Variants in MEFV observed in about 807,000 individuals in gnomAD.
MEFV encodes pyrin.
MEFV carries 60 observed loss-of-function variants against 62.5 expected under a neutral mutation model. The ratio of observed to expected loss-of-function variants is 0.96; its 90% CI spans 0.78 to 1.19. The LOEUF is 1.19. Ranked by LOEUF, MEFV falls within the 50% of genes most tolerant of loss-of-function variation. The probability of loss-of-function intolerance (pLI) is 0.00; values close to 1 mark genes in which losing one functional copy is unlikely to be tolerated. For missense variants in MEFV, 1,169 were observed against 1,004.5 expected, an observed-to-expected ratio of 1.16 and a Z score of -2.21; for synonymous variants, 500 against 415.2, an observed-to-expected ratio of 1.20 and a Z score of -2.48.
At chr16:3,249,308 G>T (rs1958994625) in intron 3 of MEFV, 123 bp downstream of exon 3, 2 of 905,144 alleles carry the variant, frequency 2.2e-6, no homozygotes, top group African/African-American at 1.6e-5. Context: ...TTGTGTTCTT[G>T]CCATTTCCAG....
At chr16:3,252,430 C>T (rs141356035) in intron 2 of MEFV, among the ~76,000 whole-genome samples, 9 of 152,130 alleles carry the variant, frequency 5.9e-5, no homozygotes, top group Non-Finnish European at 1.2e-4. Context: ...CACCCGCCAC[C>T]ACGCCCAGCA....
chr16:3,247,205 C>T lies in MEFV; in HGVS notation c.1398G>A (p.Leu466=), dbSNP rs780040831. 1.2e-6 allele frequency: 2 copies of T among 1,614,164 alleles called. No homozygotes were observed. The highest frequency in any genetic ancestry group is 4.5e-5 in the East Asian group (2 of 44,884). ...EALKQRVQRK[L]EQVYYFLEQQ... ...GCTCCAGGAAGTAGTACACCTGCTC[C>T]AGCTTCCTCTGCACCCGCTGCTTCA... Residue 466 remains leucine, a synonymous_variant, in exon 5 of 10, where the codon CTG becomes CTA. Coordinates refer to ENST00000219596, the MANE Select transcript of MEFV (RefSeq NM_000243.3).
In MEFV at chr16:3,254,457, CGCAG is replaced by C. The variant is rs759317062; in HGVS notation, c.607_610del (p.Leu203AlafsTer58). 2 of 1,606,050 alleles carry C rather than the reference CGCAG, an allele frequency of 1.2e-6. No homozygotes were observed. The highest frequency in any genetic ancestry group is 1.7e-6 in the Non-Finnish European group (2 of 1,176,478). On this transcript the variant is annotated frameshift_variant, in exon 2 of 10. Transcript: ENST00000219596. LOFTEE classifies it high-confidence loss of function. The stretch of plus-strand genomic sequence containing the variant: ...CCTCCCCGCGGAGCTGGCGTTTCTG[CGCAG>C]CCGGACCTCGGCCTGGCCCCCCTCT...
At chr16:3,246,434 G>A in intron 6 of MEFV, 91 bp downstream of exon 6, 1 of 1,483,086 alleles carries the variant, frequency 6.7e-7, no homozygotes, top group Non-Finnish European at 9.4e-7. Context: ...CCGGGGTTGG[G>A]AACATCTCCC....
rs751006121 is a variant in MEFV, at chr16:3,256,519, C to G, written c.69G>C (p.Lys23Asn). The G allele has an allele frequency of 6.2e-7, 1 of 1,614,206 alleles. No homozygotes were observed. Among genetic ancestry groups the G allele is most frequent in the South Asian group, 1.1e-5 (1 of 91,086 alleles). The change falls in exon 1 of 10, where the codon AAG becomes AAC. Residue 23 changes from lysine (K) to asparagine (N), a missense_variant. By Grantham distance (94) the Lys-to-Asn change is moderately conservative. Transcript: ENST00000219596. ...TGGTGTTCTGCAGCTTGAACTTGAACTTCTCGAAGTCATAGGGCACCAGCT... is the reference window on the plus strand; with the variant it reads ...TGGTGTTCTGCAGCTTGAACTTGAAGTTCTCGAAGTCATAGGGCACCAGCT... ...LEELVPYDFE[K>N]FKFKLQNTSV...
intron 2 of MEFV, among the ~76,000 whole-genome samples, chr16:3,250,750 G>A (rs1959019084): frequency 1.3e-5 from 2 of 151,524 alleles, no homozygotes; most frequent in African/African-American, 2.4e-5. Context: ...ACAAGGCCGA[G>A]CGCAGTGGCT....
At chr16:3,255,491 T>G (rs955439735) in intron 1 of MEFV, among the ~76,000 whole-genome samples, 5 of 152,054 alleles carry the variant, frequency 3.3e-5, no homozygotes, top group African/African-American at 1.2e-4. Flanking sequence ...CCTCCCAGGC[T>G]CAAGCAATCC....
intron 1 of MEFV, among the ~76,000 whole-genome samples, chr16:3,255,271 C>A (rs1439417130): frequency 6.6e-6 from 1 of 151,612 alleles, no homozygotes; most frequent in Non-Finnish European, 1.5e-5. Flanking sequence ...GAGCTGAGAT[C>A]GGGCCACTGC....
In MEFV at chr16:3,244,626, C is replaced by G. The variant is rs764045006; in HGVS notation, c.1611-38G>C. On this transcript the variant is annotated intron_variant, in intron 6 of 9. Coordinates refer to ENST00000219596, the MANE Select transcript of MEFV (RefSeq NM_000243.3). Reference sequence around the variant, plus strand: ...GACTGTTGACCAGAGAAGGCCGGAGCGAGGGGGTGGCCCAAGTACCCGTGA... The same window carrying G: ...GACTGTTGACCAGAGAAGGCCGGAGGGAGGGGGTGGCCCAAGTACCCGTGA... 2.1e-5 allele frequency: 32 copies of G among 1,536,198 alleles called. No individual in the cohort carries two copies. In the East Asian group the frequency reaches 3.8e-4, roughly 18 times the overall value.
intron 6 of MEFV, among the ~76,000 whole-genome samples, chr16:3,245,207 G>A (rs553452633): frequency 9.9e-5 from 15 of 152,154 alleles, no homozygotes; most frequent in Middle Eastern, 3.4e-3. Context: ...AGAATCACCC[G>A]AGCCCAGGAA....
Position 3,254,460 on chromosome 16 carries a change from A to T in MEFV, c.608T>A (p.Leu203Gln). 6.2e-7 allele frequency: 1 copy of T among 1,605,422 alleles called. No homozygotes were observed. The highest frequency in any genetic ancestry group is 8.5e-7 in the Non-Finnish European group (1 of 1,176,240). The change falls in exon 2 of 10, where the codon CTG becomes CAG. Residue 203 changes from leucine to glutamine, a missense_variant. Transcript: ENST00000219596. ...ALEGGQAEVRLRRNASSAGRL... is the reference protein window; with the variant it reads ...ALEGGQAEVRQRRNASSAGRL... ...CCCCGCGGAGCTGGCGTTTCTGCGCAGCCGGACCTCGGCCTGGCCCCCCTC... is the reference window on the plus strand; with the variant it reads ...CCCCGCGGAGCTGGCGTTTCTGCGCTGCCGGACCTCGGCCTGGCCCCCCTC...
At chr16:3,250,424 C>T (rs760662915) in intron 2 of MEFV, among the ~76,000 whole-genome samples, 2 of 151,628 alleles carry the variant, frequency 1.3e-5, no homozygotes, top group Non-Finnish European at 2.9e-5. Flanking sequence ...GCCTGGGCAA[C>T]ATGGCAAGAG....
rs1959078224 is a variant in MEFV at position 3,254,211 on chromosome 16, C to G, written c.857G>C (p.Gly286Ala). 3 of 1,614,262 alleles carry G rather than the reference C, an allele frequency of 1.9e-6. No homozygotes were observed. The highest frequency in any genetic ancestry group is 2.5e-6 in the Non-Finnish European group (3 of 1,180,052). Reference protein sequence around the residue: ...EPRARPTPDGGASADLKEGPG... With the variant: ...EPRARPTPDGAASADLKEGPG... ...GCCTTCCTTCAGGTCCGCAGATGCC[C>G]CTCCATCCGGAGTGGGCCTTGCCCG... Residue 286 changes from glycine (G) to alanine (A), a missense_variant, in exon 2 of 10, where the codon GGG (glycine) becomes GCG (alanine). Gly to Ala is a moderately conservative substitution (Grantham distance 60, BLOSUM62 0). Transcript: ENST00000219596.
chr16:3,256,316 A>G lies in MEFV; in HGVS notation c.272T>C (p.Ile91Thr), dbSNP rs1959114123. Residue 91 changes from isoleucine (I) to threonine (T), a missense_variant, in exon 1 of 10, where the codon ATT becomes ACT. By Grantham distance (89) the Ile-to-Thr change is moderately conservative. Transcript: ENST00000219596. ...GGAGGCCTGGGCCCGCTTACCCTGA[A>G]TGGCTGCCCTGTGGAGCTCCTCGGC... ...LLAEELHRAA[I>T]QEYSTQENGT... is the part of the protein sequence containing the mutation. 6.2e-7 allele frequency: 1 copy of G among 1,613,676 alleles called. No individual in the cohort carries two copies.
rs104895185 is a variant in MEFV at position 3,254,615 on chromosome 16, C to T, written c.453G>A (p.Arg151=). The change falls in exon 2 of 10, where the codon AGG becomes AGA. Residue 151 remains arginine (R), a synonymous_variant. Coordinates refer to ENST00000219596, the MANE Select transcript of MEFV (RefSeq NM_000243.3). ...SLRCSQPEAG[R]GLSRKPLSKR... ...TGCTCAGGGGCTTCCTCGACAGCCC[C>T]CTCCCGGCCTCGGGCTGGCTGCACC... 5.0e-6 allele frequency: 8 copies of T among 1,603,124 alleles called. No homozygotes were observed. The highest frequency in any genetic ancestry group is 5.9e-6 in the Non-Finnish European group (7 of 1,176,888).
intron 2 of MEFV, among the ~76,000 whole-genome samples, chr16:3,252,997 C>T (rs1959059378): frequency 6.6e-6 from 1 of 150,542 alleles, no homozygotes; most frequent in Non-Finnish European, 1.5e-5. Flanking sequence ...CTGAATGCTG[C>T]CCCCACCACG....
chr16:3,254,209 C>A lies in MEFV; in HGVS notation c.859G>T (p.Ala287Ser), dbSNP rs758662689. 6.2e-7 allele frequency: 1 copy of A among 1,614,280 alleles called. No homozygotes were observed. The highest frequency in any genetic ancestry group is 1.1e-5 in the South Asian group (1 of 91,088). Residue 287 changes from alanine to serine, a missense_variant, in exon 2 of 10, where the codon GCA (alanine) becomes TCA (serine). Coordinates refer to ENST00000219596, the MANE Select transcript of MEFV (RefSeq NM_000243.3). The part of the protein sequence containing the change: ...PRARPTPDGG[A>S]SADLKEGPGN... ...GGGCCTTCCTTCAGGTCCGCAGATGCCCCTCCATCCGGAGTGGGCCTTGCC... is the reference window on the plus strand; with the variant it reads ...GGGCCTTCCTTCAGGTCCGCAGATGACCCTCCATCCGGAGTGGGCCTTGCC...
In MEFV at chr16:3,243,173, TAGTC is replaced by T. The variant is rs757708595; in HGVS notation, c.2310_2313del (p.Thr771SerfsTer61). The T allele has an allele frequency of 8.7e-6, 14 of 1,613,796 alleles. No homozygotes were observed. Among genetic ancestry groups the T allele is most frequent in the African/African-American group, 2.7e-5 (2 of 74,908 alleles). On this transcript the variant is annotated frameshift_variant, in exon 10 of 10. Coordinates refer to ENST00000219596, the MANE Select transcript of MEFV (RefSeq NM_000243.3). LOFTEE classifies it high-confidence loss of function. ...GGCCCCTGACCACCCACTGGACAGA[TAGTC>T]AGAGGAGCTGTGTTCTTCCCTCCAT...
Position 3,243,041 on chromosome 16 carries a change from T to C in MEFV, c.*100A>G, listed in dbSNP as rs1958879747. 2.2e-6 allele frequency: 3 copies of C among 1,374,612 alleles called. No homozygotes were observed. The highest frequency in any genetic ancestry group is 2.9e-5 in the African/African-American group (2 of 69,894). 85.2% of individuals were successfully genotyped at this position (1,374,612 alleles called of 1,614,324 possible). ...CAGTAACTATTTTGTTATTTTTGCA[T>C]TTCCCATAGCAGCTAGCACCTAGTC... On this transcript the variant is annotated 3_prime_UTR_variant, in exon 10 of 10. Transcript: ENST00000219596.
Sources: gnomAD v4.1 joint callset for allele counts (sites outside exome capture counted in the v4.1 genomes callset) on GRCh38, gnomAD v4.1.1 for gene constraint, MANE v1.5 for transcripts, NCBI Gene and HGNC (gene_info 2026-07-23, HGNC 2026-07-21) for gene names.